DSCAM: variants seen among roughly 807,000 people sequenced by gnomAD.
The protein encoded by DSCAM is DS cell adhesion molecule.
DSCAM carries 47 observed loss-of-function variants against 217.7 expected under a neutral mutation model. The observed-to-expected ratio is 0.22, with a 90% confidence interval of 0.17 to 0.28. The LOEUF is 0.28. Ranked by LOEUF, DSCAM falls within the 10% of genes least tolerant of loss-of-function variation. The pLI is 1.00. For missense variants in DSCAM, 2,080 were observed against 2,618.3 expected, an observed-to-expected ratio of 0.79 and a Z score of 4.49; for synonymous variants, 1,056 against 1,015.3, an observed-to-expected ratio of 1.04 and a Z score of -0.76.
At chr21:40,310,033 A>G (rs2074120529) in intron 9 of DSCAM, among the ~76,000 whole-genome samples, 1 of 152,200 alleles carries the variant, frequency 6.6e-6, no homozygotes, top group Non-Finnish European at 1.5e-5. Flanking sequence ...AGACTTGGCT[A>G]CATATTAGAA....
intron 3 of DSCAM, among the ~76,000 whole-genome samples, chr21:40,424,815 C>A (rs1042113357): frequency 1.3e-5 from 2 of 152,082 alleles, no homozygotes; most frequent in Non-Finnish European, 2.9e-5. Context: ...AAAAAATTAT[C>A]ACAACAGGCC....
chr21:40,089,436 G>A (rs554848052), intron 21 of DSCAM, among the ~76,000 whole-genome samples: 2 of 152,190 alleles, frequency 1.3e-5, no homozygotes, highest in African/African-American at 2.4e-5. Context: ...GGTCCCGTTT[G>A]TTCTCAGCCA....
chr21:40,379,422 G>A (rs1314451588), intron 3 of DSCAM, among the ~76,000 whole-genome samples: 1 of 152,170 alleles, frequency 6.6e-6, no homozygotes, highest in Non-Finnish European at 1.5e-5. Flanking sequence ...GTCAAAGAGG[G>A]CTTTTATTAT....
chr21:40,632,712 CG>C (rs1209361586), intron 3 of DSCAM, among the ~76,000 whole-genome samples: 2 of 152,198 alleles, frequency 1.3e-5, no homozygotes, highest in Admixed American at 6.5e-5. Flanking sequence ...ATCCCTAGGC[CG>C]GTGGCTTTCA....
At chr21:40,151,066 C>T (rs893127324) in intron 16 of DSCAM, among the ~76,000 whole-genome samples, 2 of 152,094 alleles carry the variant, frequency 1.3e-5, no homozygotes, top group East Asian at 3.9e-4. Context: ...CTCTGTCTCC[C>T]GATCTCAGTA....
At chr21:40,620,372 AAG>A (rs1491018149) in intron 3 of DSCAM, among the ~76,000 whole-genome samples, 1 of 97,648 alleles carries the variant, frequency 1.0e-5, no homozygotes, top group Non-Finnish European at 2.5e-5. Flanking sequence ...AAGAAAAAGA[AAG>A]AAAGAAAGAA....
At chr21:40,014,431 A>T (rs541248122) in intron 32 of DSCAM, among the ~76,000 whole-genome samples, 2 of 152,140 alleles carry the variant, frequency 1.3e-5, no homozygotes, top group East Asian at 3.9e-4. Flanking sequence ...AACCCAAACC[A>T]AAACAAAAAA....
chr21:40,789,156 T>C (rs1017537633), intron 1 of DSCAM, among the ~76,000 whole-genome samples: 2 of 151,722 alleles, frequency 1.3e-5, no homozygotes, highest in African/African-American at 4.8e-5. Flanking sequence ...AGGGTGCCGA[T>C]AGAGCAGAGT....
intron 3 of DSCAM, among the ~76,000 whole-genome samples, chr21:40,452,968 A>G (rs1325357890): frequency 6.6e-6 from 1 of 151,498 alleles, no homozygotes; most frequent in East Asian, 1.9e-4. Context: ...GAGTTTGGAT[A>G]TTTCCAGTCT....
At chr21:40,822,413 T>C (rs1349044781) in intron 1 of DSCAM, among the ~76,000 whole-genome samples, 2 of 151,732 alleles carry the variant, frequency 1.3e-5, no homozygotes, top group Admixed American at 6.6e-5. Flanking sequence ...GTTTGTCTCC[T>C]TGTTTTATTA....
intron 11 of DSCAM, among the ~76,000 whole-genome samples, chr21:40,209,442 C>T (rs987482823): frequency 6.6e-6 from 1 of 152,158 alleles, no homozygotes; most frequent in Non-Finnish European, 1.5e-5. Context: ...CCACTCTTAC[C>T]CTTGCTGATC....
chr21:40,381,020 G>A (rs181534712), intron 3 of DSCAM, among the ~76,000 whole-genome samples: 4,246 of 133,374 alleles, frequency 0.032, 77 homozygotes, highest in Non-Finnish European at 0.043. Context: ...CCGAGATCGT[G>A]CCACTGCACT....
rs1040079368 is a variant in DSCAM at position 40,011,038 on chromosome 21, A to G, written c.*1996T>C. ...TTTATTTTTGTACAGGTTGAGAGAA[A>G]AATGTTAAAAAGGTAAACTTCTATG... On this transcript the variant is annotated 3_prime_UTR_variant, in exon 33 of 33. Coordinates refer to ENST00000400454, the MANE Select transcript of DSCAM (RefSeq NM_001389.5). 2 of 152,240 alleles carry G rather than the reference A, an allele frequency of 1.3e-5. No homozygotes were observed. The highest frequency in any genetic ancestry group is 2.4e-5 in the African/African-American group (1 of 41,460). The allele number at this position is 152,240 out of a possible 1,614,324, so 9.4% of individuals were successfully genotyped here.
At chr21:40,199,042 G>A (rs1842612246) in intron 11 of DSCAM, among the ~76,000 whole-genome samples, 1 of 152,102 alleles carries the variant, frequency 6.6e-6, no homozygotes, top group Admixed American at 6.5e-5. Flanking sequence ...GCTGAGGAGA[G>A]GGCAGTCTCT....
chr21:40,240,898 A>G (rs2073144102), intron 11 of DSCAM, among the ~76,000 whole-genome samples: 1 of 152,210 alleles, frequency 6.6e-6, no homozygotes, highest in Non-Finnish European at 1.5e-5. Flanking sequence ...ACAGAAAATG[A>G]CTAATGGTAA....
At chr21:40,422,922 A>C (rs1183057497) in intron 3 of DSCAM, among the ~76,000 whole-genome samples, 1 of 152,240 alleles carries the variant, frequency 6.6e-6, no homozygotes, top group Admixed American at 6.5e-5. Flanking sequence ...AAGGTCTTTT[A>C]CTAAGTAATT....
chr21:40,255,487 T>C (rs1316516705), intron 11 of DSCAM, among the ~76,000 whole-genome samples: 1 of 152,226 alleles, frequency 6.6e-6, no homozygotes, highest in African/African-American at 2.4e-5. Flanking sequence ...TATGTTACTG[T>C]ACACAGTGAA....
At chr21:40,063,015 A>G in intron 27 of DSCAM, 116 bp from the exon 28 acceptor site, 1 of 831,846 alleles carries the variant, frequency 1.2e-6, no homozygotes, top group Non-Finnish European at 1.7e-6. Context: ...ACACAATCAT[A>G]TACCCAGCTC....
At chr21:40,429,848 C>A (rs1169084199) in intron 3 of DSCAM, among the ~76,000 whole-genome samples, 1 of 152,132 alleles carries the variant, frequency 6.6e-6, no homozygotes, top group African/African-American at 2.4e-5. Flanking sequence ...ATGCTGGGCG[C>A]TATTCCAGAT....
Sources: allele counts gnomAD v4.1 joint callset (sites outside exome capture counted in the v4.1 genomes callset), GRCh38; gene constraint gnomAD v4.1.1; transcripts MANE v1.5; gene names NCBI Gene and HGNC (gene_info 2026-07-23, HGNC 2026-07-21).